Variants in PLA2G4D observed in about 807,000 individuals in gnomAD.
PLA2G4D encodes the protein phospholipase A2 group IVD.
PLA2G4D carries 80 observed loss-of-function variants against 94.4 expected under a neutral mutation model. The ratio of observed to expected loss-of-function variants is 0.85; its 90% CI spans 0.71 to 1.02. The LOEUF (loss-of-function observed/expected upper bound fraction) is 1.02, where lower values mean the gene tolerates loss of function less well. Ranked by LOEUF, PLA2G4D falls within the 50% of genes least tolerant of loss-of-function variation. PLA2G4D has a pLI of 0.00. For missense variants in PLA2G4D, 1,050 were observed against 1,034.7 expected (o/e 1.01, Z -0.20); for synonymous variants, 438 against 440.9 (o/e 0.99, Z 0.08).
intron 13 of PLA2G4D, among the ~76,000 whole-genome samples, chr15:42,076,460 T>C (rs1164799274): frequency 6.6e-6 from 1 of 152,096 alleles, no homozygotes; most frequent in African/African-American, 2.4e-5. Flanking sequence ...ATTGAAATTA[T>C]GCATTAAAAC....
In PLA2G4D at chr15:42,084,078, CTCT is replaced by C. The variant is rs1381322818; in HGVS notation, c.472-302_472-300del. On this transcript the variant is annotated intron_variant, in intron 6 of 19. Transcript: ENST00000290472. The surrounding 1 kb of genome is among the most constrained non-coding windows in gnomAD (Gnocchi z 4.8). ...CAGCCCTCAGACACAGCTGTTTCTT[CTCT>C]TGTTTCCCTGTGGCTTGGAGCTGGA... The C allele has an allele frequency of 5.2e-6, 2 of 385,964 alleles. No individual in the cohort carries two copies. The highest frequency in any genetic ancestry group is 9.1e-5 in the East Asian group (2 of 21,990). The allele number at this position is 385,964 out of a possible 1,614,324, so 23.9% of individuals were successfully genotyped here.
chr15:42,069,567 G>A (rs140393730), intron 19 of PLA2G4D, among the ~76,000 whole-genome samples: 3 of 152,212 alleles, frequency 2.0e-5, no homozygotes, highest in Non-Finnish European at 4.4e-5. Context: ...AGCCTGGGCT[G>A]GGGAAGGATG....
At chr15:42,086,472 A>G in intron 3 of PLA2G4D, 128 bp from the exon 4 acceptor site, 1 of 857,848 alleles carries the variant, frequency 1.2e-6, no homozygotes. Context: ...TGCGCTTCAA[A>G]ATAAAAAAAA....
At chr15:42,092,678 A>T (rs1890264824) in intron 1 of PLA2G4D, among the ~76,000 whole-genome samples, 1 of 152,156 alleles carries the variant, frequency 6.6e-6, no homozygotes, top group Non-Finnish European at 1.5e-5. Context: ...TGAGGGTCTC[A>T]GCCACTCTGA....
At chr15:42,088,198 G>A (rs1393439398) in intron 1 of PLA2G4D, among the ~76,000 whole-genome samples, 1 of 152,210 alleles carries the variant, frequency 6.6e-6, no homozygotes, top group African/African-American at 2.4e-5. Context: ...GTCCACAGGC[G>A]CTACCCTGGA....
In PLA2G4D at chr15:42,083,949, C is replaced by T. The variant is rs999743573; in HGVS notation, c.472-170G>A. 4.8e-5 allele frequency: 30 copies of T among 630,306 alleles called. 1 individual carries two copies. The highest frequency in any genetic ancestry group is 3.1e-4 in the East Asian group (11 of 35,466). 39.0% of individuals were successfully genotyped at this position (630,306 alleles called of 1,614,324 possible). On this transcript the variant is annotated intron_variant, in intron 6 of 19. Coordinates refer to ENST00000290472, the MANE Select transcript of PLA2G4D (RefSeq NM_178034.4). ...CTTCATCCCATTGCCGATCCTCTGC[C>T]GCGGCTGAACCTGATATTCCGCAGC...
At chr15:42,082,425 C>A in intron 8 of PLA2G4D, 36 bp from the exon 9 acceptor site, 1 of 1,524,426 alleles carries the variant, frequency 6.6e-7, no homozygotes, top group Non-Finnish European at 9.1e-7. Flanking sequence ...TTCATTCATT[C>A]ATTCAACAAA....
rs943071481 is a variant in PLA2G4D at position 42,068,506 on chromosome 15, C to T, written c.*209G>A. 2.2e-5 allele frequency: 13 copies of T among 587,986 alleles called. No individual in the cohort carries two copies. The highest frequency in any genetic ancestry group is 2.8e-5 in the East Asian group (1 of 35,352). The allele number at this position is 587,986 out of a possible 1,614,324, so 36.4% of individuals were successfully genotyped here. ...CCAGCTGTTCTACACACTGGCCTGG[C>T]GAAGTTATTTTCAACTCATCTCAAG... On this transcript the variant is annotated 3_prime_UTR_variant, in exon 20 of 20. Transcript: ENST00000290472.
intron 13 of PLA2G4D, among the ~76,000 whole-genome samples, chr15:42,078,919 G>A (rs1304298919): frequency 2.0e-5 from 3 of 152,216 alleles, no homozygotes; most frequent in Admixed American, 6.5e-5. Context: ...CTCTCAAGCA[G>A]CATTGTAATT....
At chr15:42,072,517 C>T in intron 13 of PLA2G4D, 125 bp from the exon 14 acceptor site, 1 of 735,574 alleles carries the variant, frequency 1.4e-6, no homozygotes, top group Non-Finnish European at 2.3e-6. Flanking sequence ...CCCGTGGGGT[C>T]TGGGGACCAT....
At chr15:42,092,215 T>C (rs566896090) in intron 1 of PLA2G4D, among the ~76,000 whole-genome samples, 1 of 152,276 alleles carries the variant, frequency 6.6e-6, no homozygotes, top group African/African-American at 2.4e-5. Flanking sequence ...TTCCTCCCAT[T>C]TTCTACATGA....
Position 42,081,484 on chromosome 15 carries a change from C to T in PLA2G4D, c.952G>A (p.Asp318Asn), listed in dbSNP as rs376077511. Residue 318 changes from aspartate to asparagine, a missense_variant, in exon 11 of 20, where the codon GAT (aspartate) becomes AAT (asparagine). Coordinates refer to ENST00000290472, the MANE Select transcript of PLA2G4D (RefSeq NM_178034.4). ...ATCCCTCTGCACCCCCAGACCTCAT[C>T]CTCCTGCAGGTCTCTGTCCAGCTGC... ...ALQLDRDLQEDEVPVVGIMAT... is the reference protein window; with the variant it reads ...ALQLDRDLQENEVPVVGIMAT... 52 of 1,613,610 alleles carry T rather than the reference C, an allele frequency of 3.2e-5. No individual in the cohort carries two copies. Among genetic ancestry groups the T allele is most frequent in the Middle Eastern group, 1.6e-4 (1 of 6,084 alleles).
intron 1 of PLA2G4D, among the ~76,000 whole-genome samples, chr15:42,088,736 C>A (rs1007593267): frequency 6.6e-6 from 1 of 152,126 alleles, no homozygotes; most frequent in Admixed American, 6.5e-5. Context: ...ACCTATGAGG[C>A]ACGTGGCCCC....
At chr15:42,069,836 TG>T in intron 19 of PLA2G4D, 72 bp downstream of exon 19, 1 of 1,250,400 alleles carries the variant, frequency 8.0e-7, no homozygotes, top group Non-Finnish European at 1.1e-6. Flanking sequence ...TTCCCTCTGC[TG>T]GGCAGCCGGG....
rs529592283 is a variant in PLA2G4D at position 42,079,878 on chromosome 15, G to A, written c.1095-119C>T. On this transcript the variant is annotated intron_variant, in intron 12 of 19. Transcript: ENST00000290472. ...TGGCTCCTGCCACCAAGGCTCTGCC[G>A]ATCTGGTAAATGGGTCTCAGGGCTT... 3.5e-5 allele frequency: 32 copies of A among 915,040 alleles called. No homozygotes were observed. In the Admixed American group the frequency reaches 6.5e-4, roughly 18 times the overall value. 56.7% of individuals were successfully genotyped at this position (915,040 alleles called of 1,614,324 possible). A position where few individuals can be genotyped will look rare whatever the true frequency, so the allele number is the denominator to read the frequency against.
Position 42,083,205 on chromosome 15 carries a change from C to G in PLA2G4D, c.665G>C (p.Arg222Pro). The stretch of plus-strand genomic sequence containing the variant: ...TCTAGAGCCAAGACCCACCCTCAGG[C>G]GCCCGCTCAGCTCTGTCTCTAGGGC... ...MAALETELSGRLRSSRSNGWN... is the reference protein window; with the variant it reads ...MAALETELSGPLRSSRSNGWN... Residue 222 changes from arginine (R) to proline (P), a missense_variant, in exon 8 of 20, where the codon CGC becomes CCC. By Grantham distance (103) the Arg-to-Pro change is moderately radical (BLOSUM62 -2). Transcript: ENST00000290472. 6.2e-7 allele frequency: 1 copy of G among 1,613,366 alleles called. No homozygotes were observed. The highest frequency in any genetic ancestry group is 8.5e-7 in the Non-Finnish European group (1 of 1,179,676).
Position 42,086,194 on chromosome 15 carries a change from T to TAG in PLA2G4D, c.387+18_387+19insCT. ...GGAAGAAGTGGGGCCCACGGGGACT[T>TAG]CCCCACCCACCCACCCACCTGGGGA... On this transcript the variant is annotated intron_variant, in intron 4 of 19. Coordinates refer to ENST00000290472, the MANE Select transcript of PLA2G4D (RefSeq NM_178034.4). 7.3e-7 allele frequency: 1 copy of TAG among 1,370,444 alleles called. No homozygotes were observed. The highest frequency in any genetic ancestry group is 9.6e-7 in the Non-Finnish European group (1 of 1,043,084). The allele number at this position is 1,370,444 out of a possible 1,614,324, so 84.9% of individuals were successfully genotyped here. A position where few individuals can be genotyped will look rare whatever the true frequency, so the allele number is the denominator to read the frequency against.
At chr15:42,091,150 G>A (rs1012169204) in intron 1 of PLA2G4D, among the ~76,000 whole-genome samples, 17 of 152,268 alleles carry the variant, frequency 1.1e-4, no homozygotes, top group African/African-American at 2.6e-4. Flanking sequence ...ATTACCTACC[G>A]TGTGGGTGGC....
At chr15:42,074,493 GA>G (rs1889882365) in intron 13 of PLA2G4D, among the ~76,000 whole-genome samples, 1 of 152,178 alleles carries the variant, frequency 6.6e-6, no homozygotes, top group Non-Finnish European at 1.5e-5. Context: ...GCAAAAGACT[GA>G]AGAAAAAAGT....
Sources: gnomAD v4.1 joint callset for allele counts (sites outside exome capture counted in the v4.1 genomes callset) on GRCh38, gnomAD v4.1.1 for gene constraint, Gnocchi (gnomAD v3.1) non-coding constraint, MANE v1.5 for transcripts, NCBI Gene and HGNC (gene_info 2026-07-23, HGNC 2026-07-21) for gene names.